Variants in PARP16 observed in about 807,000 individuals in gnomAD.
PARP16 encodes the protein poly(ADP-ribose) polymerase family member 16, also known as protein mono-ADP-ribosyltransferase PARP16.
PARP16 carries 31 observed loss-of-function variants against 35.0 expected under a neutral mutation model. That is an observed-to-expected ratio of 0.88 (90% CI 0.66 to 1.19). PARP16 has a LOEUF of 1.19. PARP16 is among the 50% of genes most tolerant of loss of function. The pLI, the probability that PARP16 is intolerant of heterozygous loss-of-function variation, is 0.00. For synonymous variants in PARP16, 162 were observed against 169.5 expected (o/e 0.96, Z 0.34); for missense variants, 424 against 411.2 (o/e 1.03, Z -0.27).
chr15:65,276,160 C>T (rs946603075), intron 1 of PARP16, among the ~76,000 whole-genome samples: 1 of 152,168 alleles, frequency 6.6e-6, no homozygotes, highest in Non-Finnish European at 1.5e-5. Flanking sequence ...CCTCAACTGA[C>T]CTTCTTTATG....
chr15:65,232,865 T>TA (rs1438949265), downstream of PARP16, among the ~76,000 whole-genome samples: 4 of 151,432 alleles, frequency 2.6e-5, no homozygotes, highest in Admixed American at 2.6e-4. Context: ...AAGACCACCC[T>TA]AGCCAACATA....
chr15:65,245,103 T>C (rs1016999501), intron 3 of PARP16, among the ~76,000 whole-genome samples: 9 of 152,208 alleles, frequency 5.9e-5, no homozygotes, highest in Admixed American at 2.6e-4. Context: ...ATAGAGCCTG[T>C]CCCAAACTGG....
At chr15:65,271,109 C>G (rs368344644) in intron 1 of PARP16, 37 bp from the exon 2 acceptor site, 26 of 1,612,024 alleles carry the variant, frequency 1.6e-5, no homozygotes, top group Non-Finnish European at 2.1e-5. Context: ...GCAAGGATCC[C>G]GGACACAGTG....
At chr15:65,285,321 TAG>T (rs1055469527) in intron 1 of PARP16, 20 of 160,924 alleles carry the variant, frequency 1.2e-4, no homozygotes, top group African/African-American at 4.8e-4. Context: ...GTATTTTTAA[TAG>T]AGACGGGATT....
At chr15:65,271,144 A>G in intron 1 of PARP16, 72 bp from the exon 2 acceptor site, 2 of 1,484,652 alleles carry the variant, frequency 1.3e-6, no homozygotes, top group Non-Finnish European at 1.9e-6. Context: ...TCTAGTGGGA[A>G]GGCAGGCAAC....
At position 65,275,786 on chromosome 15, in the gene PARP16, C is replaced by T. The variant is rs142723223; in HGVS notation, c.175-4714G>A. Among the ~76,000 whole-genome samples the T allele has an allele frequency of 4.5e-3, 686 of 152,288 alleles. 6 individuals are homozygous for T. Among genetic ancestry groups the T allele is most frequent in the Admixed American group, 0.013 (197 of 15,304 alleles). On this transcript the variant is annotated intron_variant, in intron 1 of 5. Transcript: ENST00000649807. ...GTAGCTTACCCATACAGGACTGCTG[C>T]CTGCACAGTCCAAAGGGCACTCATC...
At position 65,271,456 on chromosome 15, in the gene PARP16, G is replaced by A. The variant is rs181664250; in HGVS notation, c.175-384C>T. 2.2e-3 allele frequency among the ~76,000 whole-genome samples: 331 copies of A among 152,082 alleles called. 2 individuals carry two copies. Among genetic ancestry groups the A allele is most frequent in the African/African-American group, 7.1e-3 (296 of 41,494 alleles). On this transcript the variant is annotated intron_variant, in intron 1 of 5. Coordinates refer to ENST00000649807, the MANE Select transcript of PARP16 (RefSeq NM_001316943.2). ...GCCTGGCTACTTTTCATATTTTTTG[G>A]TAGAGATGGGGTTTCACCATGTTGG...
chr15:65,232,505 G>A (rs555255584), downstream of PARP16, among the ~76,000 whole-genome samples: 2 of 152,298 alleles, frequency 1.3e-5, no homozygotes, highest in East Asian at 3.9e-4. Flanking sequence ...ACAAAACAGT[G>A]CTTTGTTTTG....
At position 65,286,307 on chromosome 15, in the gene PARP16, C is replaced by T. The variant is rs777686630; in HGVS notation, c.120G>A (p.Leu40=). The T allele has an allele frequency of 6.2e-7, 1 of 1,603,794 alleles. No homozygotes were observed. The highest frequency in any genetic ancestry group is 8.5e-7 in the Non-Finnish European group (1 of 1,176,414). ...GGGCGTAGGACGCGGGGAAGGGCCG[C>T]AGCACCGAGTCGCGCTTGTAGCTCT... ...ALQSYKRDSV[L]RPFPASYARG... is the part of the protein sequence containing the mutation. The change falls in exon 1 of 6, where the codon CTG becomes CTA. Residue 40 remains leucine, a synonymous_variant. Coordinates refer to ENST00000649807, the MANE Select transcript of PARP16 (RefSeq NM_001316943.2).
chr15:65,285,581 G>C (rs2090565519), intron 1 of PARP16: 5 of 313,410 alleles, frequency 1.6e-5, no homozygotes, highest in Non-Finnish European at 2.5e-5. Context: ...AGGTCCCAAA[G>C]ATACATGGAG....
At chr15:65,276,504 G>T (rs2090260068) in intron 1 of PARP16, among the ~76,000 whole-genome samples, 1 of 152,072 alleles carries the variant, frequency 6.6e-6, no homozygotes, top group Non-Finnish European at 1.5e-5. Context: ...CTCCAGAGTA[G>T]CTGGGACTAA....
intron 3 of PARP16, among the ~76,000 whole-genome samples, chr15:65,265,027 G>A (rs538364541): frequency 2.0e-5 from 3 of 152,154 alleles, no homozygotes; most frequent in Admixed American, 1.3e-4. Flanking sequence ...ATAATGGTAA[G>A]CTGAGAGCCA....
intron 3 of PARP16, among the ~76,000 whole-genome samples, chr15:65,265,861 A>T (rs2140880658): frequency 6.6e-6 from 1 of 152,292 alleles, no homozygotes; most frequent in South Asian, 2.1e-4. Flanking sequence ...CCTGTGCTCC[A>T]CTCGGAGATT....
At chr15:65,261,440 A>C (rs2089712898) in intron 4 of PARP16, among the ~76,000 whole-genome samples, 1 of 148,518 alleles carries the variant, frequency 6.7e-6, no homozygotes, top group Non-Finnish European at 1.5e-5. Context: ...CGTTTTATAT[A>C]TATACATGTT....
Position 65,273,276 on chromosome 15 carries a change from C to CAAAAAAAAAAAAAAAAAAAAAAAA in PARP16, c.175-2205_175-2204insTTTTTTTTTTTTTTTTTTTTTTTT, listed in dbSNP as rs1233896826. On this transcript the variant is annotated intron_variant, in intron 1 of 5. Coordinates refer to ENST00000649807, the MANE Select transcript of PARP16 (RefSeq NM_001316943.2). ...CTGGTGACAGAGAGAGACTCTGTCT[C>CAAAAAAAAAAAAAAAAAAAAAAAA]AAAAAAAAAAAAAAAAAAGAATACC... is the stretch of plus-strand genomic sequence containing the variant. Among the ~76,000 whole-genome samples the CAAAAAAAAAAAAAAAAAAAAAAAA allele has an allele frequency of 1.2e-3, 67 of 57,478 alleles. 3 individuals carry two copies. The highest frequency in any genetic ancestry group is 2.0e-3 in the Non-Finnish European group (57 of 28,714). 37.7% of individuals were successfully genotyped at this position (57,478 alleles called of 152,430 possible). A position where few individuals can be genotyped will look rare whatever the true frequency, so the allele number is the denominator to read the frequency against.
chr15:65,239,955 C>CTTGTTTTTTTTTTTTTTTTTTTT (rs2089005262), intron 3 of PARP16, among the ~76,000 whole-genome samples: 1 of 81,750 alleles, frequency 1.2e-5, no homozygotes, highest in Non-Finnish European at 2.1e-5. Flanking sequence ...CGCGTCTGAC[C>CTTGTTTTTTTTTTTTTTTTTTTT]TTTTTTTTTT....
At chr15:65,238,476 T>C (rs1259873840) in intron 3 of PARP16, among the ~76,000 whole-genome samples, 1 of 152,196 alleles carries the variant, frequency 6.6e-6, no homozygotes, top group Non-Finnish European at 1.5e-5. Context: ...ATAGCTATCC[T>C]GGATTTCTCC....
intron 3 of PARP16, among the ~76,000 whole-genome samples, chr15:65,240,630 C>T (rs1028184856): frequency 1.3e-4 from 20 of 151,520 alleles, no homozygotes; most frequent in African/African-American, 2.9e-4. Flanking sequence ...ATGAATATAC[C>T]ACAATTTTTT....
At chr15:65,239,210 G>A (rs1274766546) in intron 3 of PARP16, among the ~76,000 whole-genome samples, 3 of 151,812 alleles carry the variant, frequency 2.0e-5, no homozygotes, top group African/African-American at 4.8e-5. Context: ...GGCGGATCAC[G>A]AGGTCAAGAG....
Sources: gnomAD v4.1 joint callset for allele counts (sites outside exome capture counted in the v4.1 genomes callset) on GRCh38, gnomAD v4.1.1 for gene constraint, MANE v1.5 for transcripts, NCBI Gene and HGNC (gene_info 2026-07-23, HGNC 2026-07-21) for gene names.